LTBP1: variants seen among roughly 807,000 people sequenced by gnomAD.
The protein encoded by LTBP1 is latent-transforming growth factor beta-binding protein 1.
A neutral mutation model predicts 207.6 loss-of-function variants in LTBP1; 129 were observed. The observed-to-expected ratio is 0.62, with a 90% CI of 0.54 to 0.72. The LOEUF (loss-of-function observed/expected upper bound fraction) is 0.72. Ranked by LOEUF, LTBP1 falls within the 30% of genes least tolerant of loss-of-function variation. The pLI is 0.00. For synonymous variants in LTBP1, 963 were observed against 833.7 expected, an observed-to-expected ratio of 1.16 and a Z score of -2.67; for missense variants, 2,281 against 2,217.2, an observed-to-expected ratio of 1.03 and a Z score of -0.58.
At chr2:33,015,210 A>C (rs1358611335) in intron 2 of LTBP1, among the ~76,000 whole-genome samples, 2 of 152,216 alleles carry the variant, frequency 1.3e-5, no homozygotes, top group Admixed American at 1.3e-4. Context: ...ACTATAACAT[A>C]AGGTTAAATG....
chr2:33,030,879 GT>G (rs1381811188), intron 3 of LTBP1, among the ~76,000 whole-genome samples: 3 of 151,756 alleles, frequency 2.0e-5, no homozygotes, highest in African/African-American at 4.8e-5. Flanking sequence ...GTGTTTCTTA[GT>G]TTTTTTTAGT....
At chr2:33,188,273 T>G (rs1473169660) in intron 6 of LTBP1, among the ~76,000 whole-genome samples, 2 of 151,612 alleles carry the variant, frequency 1.3e-5, no homozygotes, top group African/African-American at 4.8e-5. Flanking sequence ...ATACAAAAAT[T>G]AGCCAGGCAT....
intron 9 of LTBP1, among the ~76,000 whole-genome samples, chr2:33,227,292 G>T (rs1388719279): frequency 6.6e-6 from 1 of 152,116 alleles, no homozygotes; most frequent in East Asian, 1.9e-4. Flanking sequence ...CTCCAGAAGT[G>T]CTGGGATCAC....
At chr2:33,231,255 C>T (rs1426596618) in intron 9 of LTBP1, among the ~76,000 whole-genome samples, 1 of 152,186 alleles carries the variant, frequency 6.6e-6, no homozygotes, top group Non-Finnish European at 1.5e-5. Flanking sequence ...TTTCTTTCAG[C>T]ATCGTTTTAT....
chr2:33,139,172 CA>C (rs1281694885), intron 5 of LTBP1, among the ~76,000 whole-genome samples: 1 of 151,112 alleles, frequency 6.6e-6, no homozygotes, highest in Non-Finnish European at 1.5e-5. Flanking sequence ...AGTATGTTCT[CA>C]TACATTATTT....
intron 3 of LTBP1, among the ~76,000 whole-genome samples, chr2:33,085,615 C>G (rs377594078): frequency 9.2e-5 from 14 of 152,142 alleles, no homozygotes; most frequent in African/African-American, 3.4e-4. Context: ...TGACAATAAC[C>G]CTATGACACA....
chr2:33,232,997 T>G (rs1301529566), intron 9 of LTBP1, among the ~76,000 whole-genome samples: 1 of 152,160 alleles, frequency 6.6e-6, no homozygotes, highest in Non-Finnish European at 1.5e-5. Flanking sequence ...ATCTCCTAAT[T>G]CTTTATGTTC....
intron 31 of LTBP1, among the ~76,000 whole-genome samples, chr2:33,367,023 C>T (rs1334243098): frequency 1.3e-5 from 2 of 152,080 alleles, no homozygotes; most frequent in Non-Finnish European, 2.9e-5. Context: ...AACTCTGCTC[C>T]TTAAAGACAC....
intron 3 of LTBP1, among the ~76,000 whole-genome samples, chr2:33,078,803 T>C (rs1166349308): frequency 2.0e-5 from 3 of 152,016 alleles, no homozygotes; most frequent in African/African-American, 7.2e-5. Flanking sequence ...TCCTGTGTTA[T>C]TGGGATAGAA....
At chr2:33,338,928 G>A (rs2094583870) in intron 24 of LTBP1, among the ~76,000 whole-genome samples, 1 of 152,168 alleles carries the variant, frequency 6.6e-6, no homozygotes, top group African/African-American at 2.4e-5. Flanking sequence ...CCCTACTAAG[G>A]AGTGTGGTTA....
At chr2:33,219,555 C>G (rs1027219018) in intron 8 of LTBP1, among the ~76,000 whole-genome samples, 55 of 151,414 alleles carry the variant, frequency 3.6e-4, no homozygotes, top group African/African-American at 1.2e-3. Flanking sequence ...TTTTTTAAAC[C>G]TGCCTCTTTG....
chr2:33,055,403 T>C (rs1304138763), intron 3 of LTBP1, among the ~76,000 whole-genome samples: 2 of 152,228 alleles, frequency 1.3e-5, no homozygotes, highest in African/African-American at 4.8e-5. Flanking sequence ...GCTTTTTTTC[T>C]AATTCTCCTT....
chr2:33,117,367 G>A (rs376483664), intron 4 of LTBP1, among the ~76,000 whole-genome samples: 20 of 152,144 alleles, frequency 1.3e-4, no homozygotes, highest in African/African-American at 4.1e-4. Flanking sequence ...ACATCTCAGG[G>A]TTTGATGGTA....
rs150678399 is a variant in LTBP1, at chr2:33,026,425, A to T, written c.863+5219A>T. 3.3e-3 allele frequency among the ~76,000 whole-genome samples: 503 copies of T among 152,352 alleles called. 7 individuals are homozygous for T. The highest frequency in any genetic ancestry group is 2.7e-3 in the Non-Finnish European group (182 of 68,034). On this transcript the variant is annotated intron_variant, in intron 3 of 33. Coordinates refer to ENST00000404816, the MANE Select transcript of LTBP1 (RefSeq NM_206943.4). ...TATATTTAGAGTTTTGCCTAGAGAA[A>T]ATAAGTGTTAATAATGTCTAAATCC...
Position 33,256,739 on chromosome 2 carries a change from TATATATATATATATA to T in LTBP1, c.2168-544_2168-530del, listed in dbSNP as rs1455507813. Among the ~76,000 whole-genome samples, 61 of 28,668 alleles carry T rather than the reference TATATATATATATATA, an allele frequency of 2.1e-3. 1 individual carries two copies. In the East Asian group the frequency reaches 0.13, roughly 60 times the overall value. 18.8% of individuals were successfully genotyped at this position (28,668 alleles called of 152,430 possible). The stretch of plus-strand genomic sequence containing the variant: ...GGAGGGCTAACTATATATATATATA[TATATATATATATATA>T]TATATATATATATATATATATATAG... On this transcript the variant is annotated intron_variant, in intron 11 of 33. Transcript: ENST00000404816.
intron 5 of LTBP1, among the ~76,000 whole-genome samples, chr2:33,150,167 G>A (rs932878094): frequency 6.6e-6 from 1 of 152,148 alleles, no homozygotes. Context: ...AAAAGACATT[G>A]CCCTCACCTG....
chr2:33,157,835 A>G (rs1432390475), intron 5 of LTBP1, among the ~76,000 whole-genome samples: 1 of 152,126 alleles, frequency 6.6e-6, no homozygotes, highest in Non-Finnish European at 1.5e-5. Flanking sequence ...AAAAGCTGGA[A>G]TGACCATAGT....
At chr2:33,240,500 A>T (rs902711801) in intron 9 of LTBP1, among the ~76,000 whole-genome samples, 1 of 152,186 alleles carries the variant, frequency 6.6e-6, no homozygotes, top group African/African-American at 2.4e-5. Context: ...AGGAAAAATC[A>T]CTTAGGCAGT....
intron 3 of LTBP1, among the ~76,000 whole-genome samples, chr2:33,048,434 A>C (rs1159716036): frequency 2.0e-5 from 3 of 152,234 alleles, no homozygotes; most frequent in Non-Finnish European, 4.4e-5. Context: ...GTGGTTATTA[A>C]AGTTAAATGT....
Sources: allele counts gnomAD v4.1 joint callset (sites outside exome capture counted in the v4.1 genomes callset), GRCh38; gene constraint gnomAD v4.1.1; transcripts MANE v1.5; gene names NCBI Gene and HGNC (gene_info 2026-07-23, HGNC 2026-07-21).